CA10: variants seen among roughly 807,000 people sequenced by gnomAD.
CA10 encodes carbonic anhydrase 10 (inactive), also known as carbonic anhydrase-related protein 10.
Under a neutral mutation model 44.2 loss-of-function variants are expected in CA10, and 14 were observed. That is an observed-to-expected ratio of 0.32 (90% CI 0.21 to 0.50). CA10 has a LOEUF of 0.50. CA10 is among the 20% of genes least tolerant of loss of function. The pLI is 0.99. For synonymous variants in CA10, 159 were observed against 141.6 expected, an observed-to-expected ratio of 1.12 and a Z score of -0.87; for missense variants, 350 against 409.7, an observed-to-expected ratio of 0.85 and a Z score of 1.26.
chr17:51,824,809 C>G (rs964903788), intron 3 of CA10, among the ~76,000 whole-genome samples: 1 of 152,224 alleles, frequency 6.6e-6, no homozygotes, highest in Non-Finnish European at 1.5e-5. Context: ...TATCTATATT[C>G]TTAAACTATG....
chr17:52,032,034 G>C (rs1986483384), intron 2 of CA10, among the ~76,000 whole-genome samples: 1 of 152,156 alleles, frequency 6.6e-6, no homozygotes, highest in Non-Finnish European at 1.5e-5. Context: ...AATCGAGTAA[G>C]TTAAAAGCAC....
intron 1 of CA10, among the ~76,000 whole-genome samples, chr17:52,105,454 A>G (rs1988640552): frequency 6.6e-6 from 1 of 151,998 alleles, no homozygotes; most frequent in Admixed American, 6.5e-5. Flanking sequence ...AGGGGGTTTC[A>G]CCGTGTTAGC....
At chr17:52,021,853 GA>G (rs1434801358) in intron 2 of CA10, among the ~76,000 whole-genome samples, 1 of 151,948 alleles carries the variant, frequency 6.6e-6, no homozygotes, top group African/African-American at 2.4e-5. Context: ...ATTCAATCAG[GA>G]AGAAATAGAA....
At chr17:51,829,128 G>A (rs979092092) in intron 3 of CA10, among the ~76,000 whole-genome samples, 12 of 152,086 alleles carry the variant, frequency 7.9e-5, no homozygotes, top group African/African-American at 1.9e-4. Flanking sequence ...ACAAAGGAGA[G>A]CAAAAAAAGA....
chr17:51,765,011 G>A (rs1415329885), intron 3 of CA10, among the ~76,000 whole-genome samples: 1 of 152,158 alleles, frequency 6.6e-6, no homozygotes, highest in Non-Finnish European at 1.5e-5. Flanking sequence ...AAATATTAAA[G>A]ATAAAGGCAA....
At chr17:51,665,573 T>A (rs1050345093) in intron 4 of CA10, among the ~76,000 whole-genome samples, 1 of 152,214 alleles carries the variant, frequency 6.6e-6, no homozygotes, top group African/African-American at 2.4e-5. Context: ...AATGTGTTAT[T>A]AGGTGATTTT....
intron 4 of CA10, among the ~76,000 whole-genome samples, chr17:51,727,162 C>G (rs1916554112): frequency 6.6e-6 from 1 of 152,196 alleles, no homozygotes; most frequent in Non-Finnish European, 1.5e-5. Flanking sequence ...CAGCAATGGA[C>G]TATCTCCTAC....
chr17:51,766,031 A>G (rs574575877), intron 3 of CA10, among the ~76,000 whole-genome samples: 165 of 152,268 alleles, frequency 1.1e-3, no homozygotes, highest in Non-Finnish European at 1.2e-3. Context: ...GGGCAGCAAA[A>G]GGGTTCAGGA....
At chr17:51,678,949 G>A (rs1914725828) in intron 4 of CA10, among the ~76,000 whole-genome samples, 1 of 152,132 alleles carries the variant, frequency 6.6e-6, no homozygotes, top group African/African-American at 2.4e-5. Context: ...ATAGAATGAA[G>A]GGAAAGAAGG....
At chr17:51,888,423 T>C (rs977844601) in intron 3 of CA10, among the ~76,000 whole-genome samples, 1 of 152,218 alleles carries the variant, frequency 6.6e-6, no homozygotes, top group Admixed American at 6.5e-5. Flanking sequence ...GGTAACTAAA[T>C]AGTAGAATAA....
Position 51,649,224 on chromosome 17 carries a change from G to T in CA10, c.592C>A (p.Arg198=). The change falls in exon 6 of 9, where the codon CGA becomes AGA. Residue 198 remains arginine (R), a synonymous_variant. Coordinates refer to ENST00000451037, the MANE Select transcript of CA10 (RefSeq NM_020178.5). ...GTGATAGTATCTCTGTTGAGCATTC[G>T]ATTAAGAAATGGGTTTGATGAATCA... ...VSDSSNPFLN[R]MLNRDTITRI... is the part of the protein sequence containing the mutation. 2 of 1,613,358 alleles carry T rather than the reference G, an allele frequency of 1.2e-6. No individual in the cohort carries two copies. Among genetic ancestry groups the T allele is most frequent in the Non-Finnish European group, 1.7e-6 (2 of 1,179,366 alleles).
intron 3 of CA10, among the ~76,000 whole-genome samples, chr17:51,870,083 A>G (rs1979735137): frequency 6.6e-6 from 1 of 152,206 alleles, no homozygotes. Context: ...AACTTTTAGG[A>G]TTCAAGAATC....
chr17:51,863,315 A>G (rs990185567), intron 3 of CA10, among the ~76,000 whole-genome samples: 1 of 152,142 alleles, frequency 6.6e-6, no homozygotes, highest in Non-Finnish European at 1.5e-5. Context: ...TTGCTTTGCT[A>G]ATTAGTAGTT....
At chr17:51,895,643 A>G (rs560737355) in intron 3 of CA10, among the ~76,000 whole-genome samples, 2 of 152,130 alleles carry the variant, frequency 1.3e-5, no homozygotes, top group Non-Finnish European at 2.9e-5. Flanking sequence ...GAAGAGGCAC[A>G]AAGTAAAAAA....
chr17:51,868,409 G>A (rs79807736), intron 3 of CA10, among the ~76,000 whole-genome samples: 49 of 152,200 alleles, frequency 3.2e-4, no homozygotes, highest in African/African-American at 1.0e-3. Flanking sequence ...TGCTTTAAGC[G>A]TGCCGTCTCC....
At chr17:52,101,929 T>G (rs929928760) in intron 1 of CA10, among the ~76,000 whole-genome samples, 1 of 152,172 alleles carries the variant, frequency 6.6e-6, no homozygotes, top group Non-Finnish European at 1.5e-5. Context: ...TTTTTTCTCT[T>G]TCTCTTCTGT....
chr17:52,042,086 T>C (rs1986784968), intron 2 of CA10, among the ~76,000 whole-genome samples: 1 of 152,136 alleles, frequency 6.6e-6, no homozygotes. Context: ...GAGATACTGA[T>C]GTCATTTCCT....
At chr17:52,052,086 C>T (rs916658508) in intron 2 of CA10, among the ~76,000 whole-genome samples, 7 of 151,652 alleles carry the variant, frequency 4.6e-5, no homozygotes, top group African/African-American at 2.4e-5. Context: ...GATGAAAACA[C>T]AGGGACACAT....
chr17:52,010,288 A>G lies in CA10; in HGVS notation c.136+62031T>C, dbSNP rs563084256. On this transcript the variant is annotated intron_variant, in intron 2 of 8. Transcript: ENST00000451037. The stretch of plus-strand genomic sequence containing the variant: ...GGAAAAGAGTTATTATAGAAAAAAG[A>G]TACTTGTGCACACATGTTTACAGCA... Among the ~76,000 whole-genome samples, 5 of 152,186 alleles carry G rather than the reference A, an allele frequency of 3.3e-5. No individual in the cohort carries two copies. In the South Asian group the frequency reaches 1.0e-3, roughly 32 times the overall value.
Sources: allele counts gnomAD v4.1 joint callset (sites outside exome capture counted in the v4.1 genomes callset), GRCh38; gene constraint gnomAD v4.1.1; transcripts MANE v1.5; gene names NCBI Gene and HGNC (gene_info 2026-07-23, HGNC 2026-07-21).